The following BCOR variants were observed in gnomAD, a reference collection of about 807,000 sequenced individuals.
BCOR encodes BCL6 corepressor, also known as BCL-6 corepressor.
BCOR carries 10 observed loss-of-function variants against 86.7 expected under a neutral mutation model. The observed-to-expected ratio is 0.12, with a 90% CI of 0.07 to 0.20. The LOEUF is 0.20. Among genes scored for constraint, BCOR ranks in the 10% least tolerant of loss-of-function variants. The pLI, the probability that BCOR is intolerant of heterozygous loss-of-function variation, is 1.00. For missense variants in BCOR, 1,259 were observed against 1,452.1 expected, an observed-to-expected ratio of 0.87 and a Z score of 2.16; for synonymous variants, 611 against 609.0, an observed-to-expected ratio of 1.00 and a Z score of -0.05.
intron 1 of BCOR, among the ~76,000 whole-genome samples, chrX:40,090,458 C>A (rs1255931098): frequency 8.9e-6 from 1 of 112,230 alleles, no homozygotes; most frequent in Non-Finnish European, 1.9e-5. Flanking sequence ...CGGGGAGGGG[C>A]GGGGCGGGGC....
At chrX:40,061,736 C>G (rs113375925) in intron 10 of BCOR, among the ~76,000 whole-genome samples, 1,406 of 103,901 alleles carry the variant, frequency 0.014, 12 homozygotes, top group Non-Finnish European at 0.021. Flanking sequence ...ACCCTTCCAC[C>G]CGAAACAGTA....
intron 1 of BCOR, among the ~76,000 whole-genome samples, chrX:40,093,588 T>C (rs908671994): frequency 1.7e-4 from 19 of 112,401 alleles, no homozygotes; most frequent in Non-Finnish European, 3.2e-4. Flanking sequence ...AACACATCAG[T>C]GTCCAGCTCC....
intron 1 of BCOR, among the ~76,000 whole-genome samples, chrX:40,156,752 C>G (rs866721643): frequency 8.8e-6 from 1 of 113,067 alleles, no homozygotes; most frequent in Non-Finnish European, 1.9e-5. Context: ...CGGGGCCCCC[C>G]GCCGGTTCTC....
At chrX:40,068,368 C>G (rs1000895499) in intron 6 of BCOR, among the ~76,000 whole-genome samples, 1 of 112,309 alleles carries the variant, frequency 8.9e-6, no homozygotes, top group Admixed American at 9.4e-5. Flanking sequence ...GCAGCAGAGG[C>G]ATTGGTAGTC....
At chrX:40,061,558 G>A (rs1934870389) in intron 10 of BCOR, among the ~76,000 whole-genome samples, 1 of 110,643 alleles carries the variant, frequency 9.0e-6, no homozygotes, top group Non-Finnish European at 1.9e-5. Flanking sequence ...TGAGCAGGGG[G>A]GCTGGGGAGA....
Position 40,054,309 on chromosome X carries a change from C to A in BCOR, c.4766G>T (p.Arg1589Leu). 3.3e-6 allele frequency: 4 copies of A among 1,205,405 alleles called. No individual in the cohort carries two copies. Among genetic ancestry groups the A allele is most frequent in the Non-Finnish European group, 4.5e-6 (4 of 890,815 alleles). ...AGTGCCACTGGCGTCATCATCATTG[C>A]GACCCTGGAGGTCATTTAAATAATC... ...LTDYLNDLQG[R>L]NDDDASGTWD... The change falls in exon 13 of 15, where the codon CGC becomes CTC. Residue 1589 changes from arginine (R) to leucine (L), a missense_variant. Physicochemically the swap from Arg to Leu is moderately radical, Grantham distance 102. Transcript: ENST00000378444.
chrX:40,143,697 C>T (rs1289430101), intron 1 of BCOR, among the ~76,000 whole-genome samples: 1 of 112,943 alleles, frequency 8.9e-6, no homozygotes, highest in Non-Finnish European at 1.9e-5. Flanking sequence ...TGGCTCACGC[C>T]GGTAATCCCA....
In BCOR at chrX:40,133,682, A is replaced by G. The variant is rs1303014904; in HGVS notation, c.-41+43325T>C. On this transcript the variant is annotated intron_variant, in intron 1 of 14. Coordinates refer to the BCOR transcript ENST00000342274. ...TCACTGTACTAGCCAGGATGGTCTC[A>G]ATCTCCTGACCTCGTGCTCTGCCCG... is the stretch of plus-strand genomic sequence containing the variant. Among the ~76,000 whole-genome samples the G allele has an allele frequency of 1.9e-4, 19 of 98,195 alleles. No individual in the cohort carries two copies. In the Admixed American group the frequency reaches 2.0e-3, roughly 10 times the overall value. 85.3% of individuals were successfully genotyped at this position (98,195 alleles called of 115,157 possible). A position where few individuals can be genotyped will look rare whatever the true frequency, so the allele number is the denominator to read the frequency against.
At chrX:40,060,675 G>A (rs1203285290) in intron 10 of BCOR, among the ~76,000 whole-genome samples, 1 of 112,548 alleles carries the variant, frequency 8.9e-6, no homozygotes, top group Non-Finnish European at 1.9e-5. Flanking sequence ...CATCTACCCT[G>A]TCCTCATAGG....
At chrX:40,168,550 CATT>C (rs983772181) in intron 1 of BCOR, among the ~76,000 whole-genome samples, 34 of 112,843 alleles carry the variant, frequency 3.0e-4, no homozygotes, top group African/African-American at 1.1e-3. Context: ...TGTGCAGTGT[CATT>C]ATGGTGGCTC....
chrX:40,064,394 A>T lies in BCOR; in HGVS notation c.3444T>A (p.Thr1148=), dbSNP rs1262127941. Residue 1148 remains threonine, a synonymous_variant, in exon 7 of 15, where the codon ACT becomes ACA. Coordinates refer to ENST00000378444, the MANE Select transcript of BCOR (RefSeq NM_001123385.2). ...GAGGGTCCTCTGGCACCTCCTCCGC[A>T]GTGGTCTCAGTGTGGCTGCTGTCAC... The part of the protein sequence containing the change: ...VSGDSSHTET[T]AEEVPEDPLL... 8.3e-7 allele frequency: 1 copy of T among 1,211,007 alleles called. No individual in the cohort carries two copies. Among genetic ancestry groups the T allele is most frequent in the Non-Finnish European group, 1.1e-6 (1 of 895,342 alleles).
At chrX:40,151,767 A>G (rs1351951166) in intron 1 of BCOR, among the ~76,000 whole-genome samples, 4 of 111,801 alleles carry the variant, frequency 3.6e-5, no homozygotes, top group Non-Finnish European at 7.6e-5. Flanking sequence ...CCAACTGGGG[A>G]GGCAGAGAGC....
At chrX:40,175,563 C>T (rs1602289847) in intron 1 of BCOR, among the ~76,000 whole-genome samples, 1 of 113,373 alleles carries the variant, frequency 8.8e-6, no homozygotes, top group Non-Finnish European at 1.9e-5. Context: ...GCCAGGAATA[C>T]GCTTCCGCGG....
Position 40,109,693 on chromosome X carries a change from C to G in BCOR, c.-40-31724G>C, listed in dbSNP as rs771103259. Among the ~76,000 whole-genome samples the G allele has an allele frequency of 9.8e-5, 11 of 112,707 alleles. No individual in the cohort carries two copies. In the East Asian group the frequency reaches 2.6e-3, roughly 26 times the overall value. On this transcript the variant is annotated intron_variant, in intron 1 of 14. Coordinates refer to the BCOR transcript ENST00000342274. ...CACCGAGCGGTTTTGCGGAGCTGCC[C>G]GAGGCCGCCGGGTCAGCGGCTCCCC...
chrX:40,101,161 G>C (rs1937066352), upstream of BCOR, among the ~76,000 whole-genome samples: 1 of 111,003 alleles, frequency 9.0e-6, no homozygotes, highest in South Asian at 3.7e-4. Context: ...CTGTCGAAGG[G>C]CAATCCCATC....
chrX:40,107,117 T>G (rs1937204353), intron 1 of BCOR, among the ~76,000 whole-genome samples: 1 of 112,539 alleles, frequency 8.9e-6, no homozygotes, highest in African/African-American at 3.2e-5. Flanking sequence ...AAGTGTTTCT[T>G]TCGTGCGTGT....
chrX:40,072,035 G>A, intron 4 of BCOR: 1 of 403,086 alleles, frequency 2.5e-6, no homozygotes, highest in Non-Finnish European at 4.3e-6. Context: ...CTATCTTACA[G>A]GCAGAGAAAT....
chrX:40,093,967 T>C (rs1936729025), intron 1 of BCOR, among the ~76,000 whole-genome samples: 1 of 110,883 alleles, frequency 9.0e-6, no homozygotes, highest in Admixed American at 9.6e-5. Flanking sequence ...GCGTTTGGTT[T>C]GTGGAAGAAT....
intron 14 of BCOR, among the ~76,000 whole-genome samples, chrX:40,052,617 T>G (rs1303671162): frequency 1.1e-5 from 1 of 91,699 alleles, no homozygotes; most frequent in Non-Finnish European, 2.1e-5. Context: ...CAGGCTGGAG[T>G]GCAGTGGCGC....
Sources: allele counts gnomAD v4.1 joint callset (sites outside exome capture counted in the v4.1 genomes callset), GRCh38; gene constraint gnomAD v4.1.1; transcripts MANE v1.5; gene names NCBI Gene and HGNC (gene_info 2026-07-23, HGNC 2026-07-21).